The following ABCB11 variants were observed in gnomAD, a reference collection of about 807,000 sequenced individuals.
ABCB11 encodes ATP binding cassette subfamily B member 11.
Under a neutral mutation model 148.0 loss-of-function variants are expected in ABCB11, and 95 were observed. The ratio of observed to expected loss-of-function variants is 0.64; its 90% CI spans 0.54 to 0.76. The LOEUF (loss-of-function observed/expected upper bound fraction) is 0.76, where lower values mean the gene tolerates loss of function less well. ABCB11 is among the 30% of genes least tolerant of loss of function. ABCB11 has a pLI of 0.00. For synonymous variants in ABCB11, 591 were observed against 555.4 expected (o/e 1.06, Z -0.90); for missense variants, 1,523 against 1,617.8 (o/e 0.94, Z 1.01).
At chr2:168,978,018 G>A (rs1693987203) in intron 11 of ABCB11, among the ~76,000 whole-genome samples, 1 of 151,440 alleles carries the variant, frequency 6.6e-6, no homozygotes, top group East Asian at 1.9e-4. Flanking sequence ...GCTAATAAAG[G>A]TAAGAAATAA....
At chr2:169,029,763 T>A in intron 1 of ABCB11, among the ~76,000 whole-genome samples, 1 of 103,086 alleles carries the variant, frequency 9.7e-6, no homozygotes, top group African/African-American at 4.2e-5. Flanking sequence ...GAGAGGAGTC[T>A]CGCTCTGTCG....
chr2:168,924,698 G>T lies in ABCB11; in HGVS notation c.3724C>A (p.Leu1242Ile), dbSNP rs1295206443. ...TCTAAGGCAGAAGTGGCTTCATCTA[G>T]TAGCAAGATTTTAGGATCTCGTACA... ...AIVRDPKILL[L>I]DEATSALDTE... The change falls in exon 27 of 28, where the codon CTA (leucine) becomes ATA (isoleucine). Residue 1242 changes from leucine to isoleucine, a missense_variant. By Grantham distance (5) the Leu-to-Ile change is conservative. Coordinates refer to ENST00000650372, the MANE Select transcript of ABCB11 (RefSeq NM_003742.4). The T allele has an allele frequency of 1.2e-6, 2 of 1,613,826 alleles. No individual in the cohort carries two copies. Among genetic ancestry groups the T allele is most frequent in the Non-Finnish European group, 1.7e-6 (2 of 1,179,852 alleles).
chr2:168,950,136 T>TACACAC (rs796123814), intron 19 of ABCB11, among the ~76,000 whole-genome samples: 3,435 of 99,134 alleles, frequency 0.035, 127 homozygotes, highest in African/African-American at 0.1. Flanking sequence ...CCCATATATA[T>TACACAC]ATATACACAC....
intron 5 of ABCB11, among the ~76,000 whole-genome samples, chr2:169,010,997 G>A (rs911481024): frequency 2.6e-5 from 4 of 152,128 alleles, no homozygotes; most frequent in Non-Finnish European, 4.4e-5. Context: ...TTCTTTGCTC[G>A]CCTTCAGGTA....
At chr2:168,956,262 C>T (rs1403620437) in intron 19 of ABCB11, among the ~76,000 whole-genome samples, 1 of 151,638 alleles carries the variant, frequency 6.6e-6, no homozygotes, top group African/African-American at 2.4e-5. Context: ...AATTACCTCC[C>T]ACCAGGTTCT....
intron 5 of ABCB11, among the ~76,000 whole-genome samples, chr2:169,003,143 G>A (rs1694923307): frequency 6.6e-6 from 1 of 151,752 alleles, no homozygotes; most frequent in Non-Finnish European, 1.5e-5. Context: ...AAAGTCCAAT[G>A]TATCATTCTC....
At chr2:169,014,652 C>T (rs1336493196) in intron 3 of ABCB11, among the ~76,000 whole-genome samples, 2 of 152,154 alleles carry the variant, frequency 1.3e-5, no homozygotes, top group Non-Finnish European at 2.9e-5. Flanking sequence ...ACAAATAACT[C>T]TTTGCCCTCA....
In ABCB11 at chr2:168,923,616, A is replaced by C. The variant is rs1057521457; in HGVS notation, c.*6T>G. On this transcript the variant is annotated 3_prime_UTR_variant, in exon 28 of 28. Coordinates refer to ENST00000650372, the MANE Select transcript of ABCB11 (RefSeq NM_003742.4). ...CGTCATGTGTGTCTGAGATTCTTGC[A>C]TTGGGTCAACTGATGGGGGATCCAG... is the stretch of plus-strand genomic sequence containing the variant. The C allele has an allele frequency of 6.2e-7, 1 of 1,613,724 alleles. No individual in the cohort carries two copies. The highest frequency in any genetic ancestry group is 1.1e-5 in the South Asian group (1 of 91,074).
At chr2:169,021,962 T>C (rs1695554532) in intron 1 of ABCB11, among the ~76,000 whole-genome samples, 1 of 151,972 alleles carries the variant, frequency 6.6e-6, no homozygotes, top group Non-Finnish European at 1.5e-5. Flanking sequence ...AAATAAAAAC[T>C]AAAAAATTAA....
intron 19 of ABCB11, among the ~76,000 whole-genome samples, chr2:168,956,931 C>T (rs1692822514): frequency 6.6e-6 from 1 of 150,422 alleles, no homozygotes; most frequent in African/African-American, 2.5e-5. Flanking sequence ...TCTTGTGGCT[C>T]TCAGGCAGTC....
chr2:168,945,729 T>G (rs1692278742), intron 19 of ABCB11, among the ~76,000 whole-genome samples: 1 of 151,804 alleles, frequency 6.6e-6, no homozygotes, highest in South Asian at 2.1e-4. Context: ...AAAGTTGTAT[T>G]AATATTTTGA....
At chr2:168,943,792 G>GTT (rs5836215) in intron 21 of ABCB11, among the ~76,000 whole-genome samples, 23 of 151,870 alleles carry the variant, frequency 1.5e-4, no homozygotes, top group Non-Finnish European at 1.8e-4. Context: ...AGTCCAGTGA[G>GTT]TTTTTTCTTC....
chr2:168,964,432 C>G, intron 17 of ABCB11, 124 bp from the exon 18 acceptor site: 1 of 782,060 alleles, frequency 1.3e-6, no homozygotes. Flanking sequence ...CACATGGTAA[C>G]CAGGAAAGGG....
intron 19 of ABCB11, among the ~76,000 whole-genome samples, chr2:168,954,411 A>G (rs1460026842): frequency 2.0e-5 from 3 of 151,356 alleles, no homozygotes; most frequent in Admixed American, 6.6e-5. Context: ...GGTCCAATCT[A>G]GTGGTGATAA....
At chr2:168,961,337 C>G (rs1693066267) in intron 18 of ABCB11, among the ~76,000 whole-genome samples, 1 of 151,632 alleles carries the variant, frequency 6.6e-6, no homozygotes, top group African/African-American at 2.4e-5. Flanking sequence ...GTAGAGGTTC[C>G]CTGCCCTAAT....
intron 19 of ABCB11, among the ~76,000 whole-genome samples, chr2:168,947,978 G>T (rs901352462): frequency 2.6e-5 from 4 of 151,286 alleles, no homozygotes; most frequent in Non-Finnish European, 5.9e-5. Flanking sequence ...TGGACCACTA[G>T]AGCTGGAAGA....
At chr2:168,978,964 C>T (rs2105982453) in intron 11 of ABCB11, among the ~76,000 whole-genome samples, 1 of 152,212 alleles carries the variant, frequency 6.6e-6, no homozygotes, top group East Asian at 1.9e-4. Context: ...AGGTGACGCG[C>T]CCACCTTGGC....
intron 5 of ABCB11, among the ~76,000 whole-genome samples, chr2:169,000,603 C>T (rs1212819347): frequency 6.6e-6 from 1 of 152,064 alleles, no homozygotes; most frequent in Non-Finnish European, 1.5e-5. Flanking sequence ...GGGTCTATTT[C>T]TGAGTTCTCC....
intron 5 of ABCB11, among the ~76,000 whole-genome samples, chr2:169,010,682 C>T (rs6751546): frequency 0.047 from 7,127 of 152,200 alleles, 552 homozygotes; most frequent in African/African-American, 0.16. Context: ...GAAAAATGTC[C>T]TCTCTTTTCT....
Sources: allele counts gnomAD v4.1 joint callset (sites outside exome capture counted in the v4.1 genomes callset), GRCh38; gene constraint gnomAD v4.1.1; transcripts MANE v1.5; gene names NCBI Gene and HGNC (gene_info 2026-07-23, HGNC 2026-07-21).